The following PIGU variants were observed in gnomAD, a reference collection of about 807,000 sequenced individuals.
PIGU encodes GPI-anchor transamidase component PIGU.
In PIGU, 24 loss-of-function variants were observed where a neutral mutation model predicts 49.9. That is an observed-to-expected ratio of 0.48 (90% CI 0.35 to 0.68). The LOEUF is 0.68. PIGU is among the 30% of genes least tolerant of loss of function. The pLI is 0.01. For synonymous variants in PIGU, 220 were observed against 205.7 expected (o/e 1.07, Z -0.59); for missense variants, 490 against 532.6 (o/e 0.92, Z 0.79).
At chr20:34,565,890 GACACACATGCTTGCAC>G (rs1289313539) in intron 11 of PIGU, among the ~76,000 whole-genome samples, 2 of 144,150 alleles carry the variant, frequency 1.4e-5, no homozygotes, top group Non-Finnish European at 3.0e-5. Flanking sequence ...GCAATGCTTA[GACACACATGCTTGCAC>G]ACACACATGC....
chr20:34,633,141 A>G (rs1568650269), intron 6 of PIGU, among the ~76,000 whole-genome samples: 1 of 152,142 alleles, frequency 6.6e-6, no homozygotes, highest in South Asian at 2.1e-4. Context: ...AGTGTTGTAA[A>G]ATATAGGTGC....
At chr20:34,584,250 G>A (rs1297129938) in intron 9 of PIGU, among the ~76,000 whole-genome samples, 1 of 152,166 alleles carries the variant, frequency 6.6e-6, no homozygotes, top group Admixed American at 6.5e-5. Context: ...GGTTAGGTAT[G>A]ATTATGTTTC....
At chr20:34,620,743 A>G (rs6087608) in intron 6 of PIGU, among the ~76,000 whole-genome samples, 126,688 of 149,520 alleles carry the variant, frequency 0.85, 53,879 homozygotes, top group Admixed American at 0.92. Context: ...CCCGGGAGGC[A>G]GAGCTTGCAG....
intron 1 of PIGU, among the ~76,000 whole-genome samples, chr20:34,662,176 G>A (rs1195814517): frequency 2.6e-5 from 4 of 152,042 alleles, no homozygotes; most frequent in Non-Finnish European, 5.9e-5. Context: ...AGGCTCAATC[G>A]ATCCTCCCAC....
chr20:34,639,064 T>A (rs1156244750), intron 4 of PIGU, among the ~76,000 whole-genome samples: 1 of 152,178 alleles, frequency 6.6e-6, no homozygotes, highest in African/African-American at 2.4e-5. Flanking sequence ...GAAAATATAC[T>A]GCATTGTGAC....
In PIGU at chr20:34,587,668, C is replaced by T. The variant is rs151170460; in HGVS notation, c.782+785G>A. Reference sequence around the variant, plus strand: ...CCCCATTCTCCCACCCTGCCGGCATCGGTAACCACCCTTCTACTCTCTGCT... The same window carrying T: ...CCCCATTCTCCCACCCTGCCGGCATTGGTAACCACCCTTCTACTCTCTGCT... On this transcript the variant is annotated intron_variant, in intron 8 of 11. Coordinates refer to ENST00000217446, the MANE Select transcript of PIGU (RefSeq NM_080476.5). Among the ~76,000 whole-genome samples, 57 of 152,308 alleles carry T rather than the reference C, an allele frequency of 3.7e-4. No homozygotes were observed. In the Middle Eastern group the frequency reaches 0.024, roughly 64 times the overall value.
Position 34,572,520 on chromosome 20 carries a change from A to G in PIGU, c.1194+2584T>C, listed in dbSNP as rs143935835. Among the ~76,000 whole-genome samples, 719 of 152,198 alleles carry G rather than the reference A, an allele frequency of 4.7e-3. 3 individuals are homozygous for G. Among genetic ancestry groups the G allele is most frequent in the African/African-American group, 0.017 (696 of 41,554 alleles). The stretch of plus-strand genomic sequence containing the variant: ...AATACAAAAATTAGGCGGGCATGGT[A>G]GTGCACGCCTATAATCCTGGCTACT... On this transcript the variant is annotated intron_variant, in intron 11 of 11. Coordinates refer to ENST00000217446, the MANE Select transcript of PIGU (RefSeq NM_080476.5).
intron 10 of PIGU, among the ~76,000 whole-genome samples, chr20:34,576,549 T>C (rs1374150942): frequency 6.6e-6 from 1 of 152,108 alleles, no homozygotes; most frequent in Non-Finnish European, 1.5e-5. Flanking sequence ...AATCCAGCAA[T>C]GGTGGATTGA....
chr20:34,575,376 G>A (rs1475682524), intron 10 of PIGU, 130 bp from the exon 11 acceptor site: 2 of 1,091,418 alleles, frequency 1.8e-6, no homozygotes, highest in African/African-American at 1.6e-5. Context: ...CACCCCCAGA[G>A]GTACTGGGGT....
chr20:34,659,280 C>T (rs569318999), intron 1 of PIGU, among the ~76,000 whole-genome samples: 138 of 102,248 alleles, frequency 1.3e-3, no homozygotes, highest in East Asian at 2.1e-3. Context: ...CCCGGCCAGC[C>T]ACCCCGTCCG....
intron 1 of PIGU, among the ~76,000 whole-genome samples, chr20:34,661,805 G>A (rs1986935783): frequency 6.6e-6 from 1 of 152,070 alleles, no homozygotes; most frequent in African/African-American, 2.4e-5. Flanking sequence ...GCTTTCCACG[G>A]TGGCTGAATT....
chr20:34,622,073 G>A lies in PIGU; in HGVS notation c.530-5934C>T, dbSNP rs555593219. Among the ~76,000 whole-genome samples the A allele has an allele frequency of 4.6e-5, 7 of 152,172 alleles. No homozygotes were observed. In the South Asian group the frequency reaches 1.2e-3, roughly 27 times the overall value. On this transcript the variant is annotated intron_variant, in intron 6 of 11. Coordinates refer to ENST00000217446, the MANE Select transcript of PIGU (RefSeq NM_080476.5). ...AAACAGGGCAAGAGCTGGGAGGAGTGACAGGAAAGAGAACACAAAAGGGGC... is the reference window on the plus strand; with the variant it reads ...AAACAGGGCAAGAGCTGGGAGGAGTAACAGGAAAGAGAACACAAAAGGGGC...
intron 2 of PIGU, among the ~76,000 whole-genome samples, chr20:34,649,564 A>T (rs1986463561): frequency 6.7e-6 from 1 of 149,524 alleles, no homozygotes. Flanking sequence ...TCTGTCACCC[A>T]GGTTGAAGTG....
At chr20:34,642,969 C>T (rs1329615008) in intron 4 of PIGU, among the ~76,000 whole-genome samples, 3 of 151,876 alleles carry the variant, frequency 2.0e-5, no homozygotes, top group African/African-American at 2.4e-5. Context: ...CAACCTATTT[C>T]GGAGAAGAGA....
chr20:34,565,566 C>G (rs1191155553), intron 11 of PIGU, among the ~76,000 whole-genome samples: 1 of 152,068 alleles, frequency 6.6e-6, no homozygotes, highest in African/African-American at 2.4e-5. Flanking sequence ...CCGGGCTCCT[C>G]TAGTCTTTGT....
At chr20:34,584,206 A>G (rs1983603741) in intron 9 of PIGU, among the ~76,000 whole-genome samples, 1 of 152,170 alleles carries the variant, frequency 6.6e-6, no homozygotes, top group East Asian at 1.9e-4. Flanking sequence ...AATGGGAGTG[A>G]TAAGAATCTA....
chr20:34,626,200 G>T (rs1158235736), intron 6 of PIGU, among the ~76,000 whole-genome samples: 2 of 151,518 alleles, frequency 1.3e-5, no homozygotes, highest in African/African-American at 4.9e-5. Flanking sequence ...ATTACTTTAG[G>T]ATAGGTTCTC....
chr20:34,562,482 A>T, intron 11 of PIGU: 2 of 1,289,288 alleles, frequency 1.6e-6, no homozygotes, highest in Non-Finnish European at 2.0e-6. Flanking sequence ...AGGCGCCTGG[A>T]GGAGTTCAGG....
chr20:34,662,292 C>G (rs1366473421), intron 1 of PIGU, among the ~76,000 whole-genome samples: 2 of 151,866 alleles, frequency 1.3e-5, no homozygotes, highest in Non-Finnish European at 2.9e-5. Flanking sequence ...AGGCTGGTCT[C>G]AAACTCCTGG....
Sources: gnomAD v4.1 joint callset for allele counts (sites outside exome capture counted in the v4.1 genomes callset) on GRCh38, gnomAD v4.1.1 for gene constraint, MANE v1.5 for transcripts, NCBI Gene and HGNC (gene_info 2026-07-23, HGNC 2026-07-21) for gene names.